Variants in ATP8B2 observed in about 807,000 individuals in gnomAD.
The protein encoded by ATP8B2 is phospholipid-transporting ATPase ID.
ATP8B2 carries 70 observed loss-of-function variants against 133.4 expected under a neutral mutation model. The observed-to-expected ratio is 0.52, with a 90% CI of 0.43 to 0.64. ATP8B2 has a LOEUF of 0.64. Among genes scored for constraint, ATP8B2 ranks in the 30% least tolerant of loss-of-function variants. The pLI is 0.00. For synonymous variants in ATP8B2, 517 were observed against 589.5 expected (o/e 0.88, Z 1.78); for missense variants, 1,101 against 1,535.7 (o/e 0.72, Z 4.73).
intron 14 of ATP8B2, 82 bp from the exon 15 acceptor site, chr1:154,342,714 G>A: frequency 1.3e-6 from 2 of 1,535,282 alleles, no homozygotes; most frequent in Non-Finnish European, 1.8e-6. Flanking sequence ...CCTACTGAGA[G>A]TTGGGAGGGC....
At chr1:154,341,122 G>A (rs1167751353) in intron 13 of ATP8B2, 60 bp downstream of exon 13, 1 of 1,575,392 alleles carries the variant, frequency 6.3e-7, no homozygotes, top group Non-Finnish European at 8.7e-7. Context: ...CAGTGGAACT[G>A]GGGCCCCACA....
At chr1:154,337,807 G>T (rs1686242607) in intron 12 of ATP8B2, 2 of 1,298,984 alleles carry the variant, frequency 1.5e-6, no homozygotes, top group African/African-American at 3.0e-5. Context: ...GTACAAAGAA[G>T]TGTGCTAGGT....
At chr1:154,329,767 T>C (rs1558267446) in intron 2 of ATP8B2, among the ~76,000 whole-genome samples, 1 of 152,132 alleles carries the variant, frequency 6.6e-6, no homozygotes, top group Non-Finnish European at 1.5e-5. Context: ...CCCACACCTT[T>C]TTCTACTTGA....
intron 12 of ATP8B2, 44 bp downstream of exon 12, chr1:154,337,588 G>A (rs761882259): frequency 1.3e-5 from 21 of 1,614,030 alleles, no homozygotes; most frequent in East Asian, 2.2e-5. Flanking sequence ...GGAGTCAGGC[G>A]GTCCCATAGA....
chr1:154,348,912 G>T lies in ATP8B2; in HGVS notation c.3367G>T (p.Gly1123Cys). ...HRCMRRVGRT[G>C]SRRSGYAFSH... ...CTGCATGCGGCGGGTTGGCCGCACT[G>T]GCTCCCGGCGCTCCGGCTATGCCTT... Residue 1123 changes from glycine (G) to cysteine (C), a missense_variant, in exon 28 of 28, where the codon GGC (glycine) becomes TGC (cysteine). By Grantham distance (159) the Gly-to-Cys change is radical. Coordinates refer to ENST00000368489, the MANE Select transcript of ATP8B2 (RefSeq NM_001370597.1). 1 of 1,613,720 alleles carries T rather than the reference G, an allele frequency of 6.2e-7. No homozygotes were observed. The highest frequency in any genetic ancestry group is 2.2e-5 in the East Asian group (1 of 44,884).
chr1:154,342,074 A>G (rs968398661), intron 13 of ATP8B2, among the ~76,000 whole-genome samples: 4 of 152,074 alleles, frequency 2.6e-5, no homozygotes, highest in African/African-American at 7.2e-5. Flanking sequence ...ACTTTTATGC[A>G]GAGTGTGGAC....
Position 154,345,248 on chromosome 1 carries a change from G to A in ATP8B2, c.2471-74G>A. Reference sequence around the variant, plus strand: ...ACTGCAGAAGAATGACGGGAAGGGGGTTGTAACTTGGTAGGCTCTAAAGTG... The same window carrying A: ...ACTGCAGAAGAATGACGGGAAGGGGATTGTAACTTGGTAGGCTCTAAAGTG... On this transcript the variant is annotated intron_variant, in intron 22 of 27. Coordinates refer to ENST00000368489, the MANE Select transcript of ATP8B2 (RefSeq NM_001370597.1). This position sits in a 1 kb window ranked among gnomAD's most constrained non-coding sequence, Gnocchi z 5.6. The A allele has an allele frequency of 6.2e-7, 1 of 1,603,000 alleles. No homozygotes were observed. Among genetic ancestry groups the A allele is most frequent in the Non-Finnish European group, 8.5e-7 (1 of 1,172,510 alleles).
chr1:154,345,702 T>C lies in ATP8B2; in HGVS notation c.2695-98T>C. 2 of 1,368,608 alleles carry C rather than the reference T, an allele frequency of 1.5e-6. No individual in the cohort carries two copies. The allele number at this position is 1,368,608 out of a possible 1,614,324, so 84.8% of individuals were successfully genotyped here. A position where few individuals can be genotyped will look rare whatever the true frequency, so the allele number is the denominator to read the frequency against. ...GGAGGAGAGAAGGAGCCTCAGAAAATTTCTTAGGGTTCTCTGTATGTGACA... is the reference window on the plus strand; with the variant it reads ...GGAGGAGAGAAGGAGCCTCAGAAAACTTCTTAGGGTTCTCTGTATGTGACA... On this transcript the variant is annotated intron_variant, in intron 23 of 27. Coordinates refer to ENST00000368489, the MANE Select transcript of ATP8B2 (RefSeq NM_001370597.1). The surrounding 1 kb of genome is among the most constrained non-coding windows in gnomAD (Gnocchi z 5.6).
chr1:154,330,510 A>G, intron 3 of ATP8B2, 56 bp downstream of exon 3: 1 of 1,578,492 alleles, frequency 6.3e-7, no homozygotes, highest in Non-Finnish European at 8.7e-7. Flanking sequence ...GGAATGGGGC[A>G]AGGACAACCT....
At position 154,331,347 on chromosome 1, in the gene ATP8B2, G is replaced by T; in HGVS notation, c.304-97G>T. 1.5e-6 allele frequency: 2 copies of T among 1,342,424 alleles called. No individual in the cohort carries two copies. The highest frequency in any genetic ancestry group is 2.1e-6 in the Non-Finnish European group (2 of 940,510). The allele number at this position is 1,342,424 out of a possible 1,614,324, so 83.2% of individuals were successfully genotyped here. On this transcript the variant is annotated intron_variant, in intron 5 of 27. Coordinates refer to ENST00000368489, the MANE Select transcript of ATP8B2 (RefSeq NM_001370597.1). The surrounding 1 kb of genome is among the most constrained non-coding windows in gnomAD (Gnocchi z 4.8). ...AGTGAACTGGTTTGTGATGGGGTGT[G>T]TATGAGGCGTTAACCAGCATGCTCT...
Position 154,348,852 on chromosome 1 carries a change from C to A in ATP8B2, c.3307C>A (p.Gln1103Lys). 1 of 1,604,552 alleles carries A rather than the reference C, an allele frequency of 6.2e-7. No individual in the cohort carries two copies. The highest frequency in any genetic ancestry group is 8.5e-7 in the Non-Finnish European group (1 of 1,173,578). ...PDLSDTVRYT[Q>K]LVRKKQKAQH... Reference sequence around the variant, plus strand: ...TGCCCCTCTGCAGGTCCGCTACACACAGCTCGTGAGGAAGAAGCAGAAGGC... The same window carrying A: ...TGCCCCTCTGCAGGTCCGCTACACAAAGCTCGTGAGGAAGAAGCAGAAGGC... Residue 1103 changes from glutamine (Q) to lysine (K), a missense_variant, in exon 28 of 28, where the codon CAG becomes AAG. Gln to Lys is a moderately conservative substitution (Grantham distance 53). Coordinates refer to ENST00000368489, the MANE Select transcript of ATP8B2 (RefSeq NM_001370597.1).
Position 154,331,943 on chromosome 1 carries a change from T to C in ATP8B2, c.439-11T>C, listed in dbSNP as rs569001057. 10 of 1,613,064 alleles carry C rather than the reference T, an allele frequency of 6.2e-6. No individual in the cohort carries two copies. In the African/African-American group the frequency reaches 1.3e-4, roughly 21 times the overall value. ...TGCATATTTGGACTTCTCATTAGTT[T>C]TTCTCTCTAGGCGGATCTCCTCCTC... On this transcript the variant is annotated splice_polypyrimidine_tract_variant and intron_variant, in intron 7 of 27. Coordinates refer to ENST00000368489, the MANE Select transcript of ATP8B2 (RefSeq NM_001370597.1). The surrounding 1 kb of genome is among the most constrained non-coding windows in gnomAD (Gnocchi z 4.8).
Position 154,345,613 on chromosome 1 carries a change from T to C in ATP8B2, c.2694+68T>C. 2 of 1,438,536 alleles carry C rather than the reference T, an allele frequency of 1.4e-6. No individual in the cohort carries two copies. Among genetic ancestry groups the C allele is most frequent in the Non-Finnish European group, 1.9e-6 (2 of 1,037,374 alleles). The allele number at this position is 1,438,536 out of a possible 1,614,324, so 89.1% of individuals were successfully genotyped here. A position where few individuals can be genotyped will look rare whatever the true frequency, so the allele number is the denominator to read the frequency against. ...CTGAGGGCAGAGGTTCTGTCTTGTTTATCACTCAGTCCCCCAGGGCCTAGC... is the reference window on the plus strand; with the variant it reads ...CTGAGGGCAGAGGTTCTGTCTTGTTCATCACTCAGTCCCCCAGGGCCTAGC... On this transcript the variant is annotated intron_variant, in intron 23 of 27. Transcript: ENST00000368489. This position sits in a 1 kb window ranked among gnomAD's most constrained non-coding sequence, Gnocchi z 5.6.
Position 154,349,151 on chromosome 1 carries a change from A to G in ATP8B2, c.*33A>G. ...GGATGGATGCCCTGTGCCAGTGACC[A>G]GAGCACCCAGGGCTGGCCAGTCACT... On this transcript the variant is annotated 3_prime_UTR_variant, in exon 28 of 28. Coordinates refer to ENST00000368489, the MANE Select transcript of ATP8B2 (RefSeq NM_001370597.1). 9 of 1,602,016 alleles carry G rather than the reference A, an allele frequency of 5.6e-6. No individual in the cohort carries two copies. Among genetic ancestry groups the G allele is most frequent in the Non-Finnish European group, 7.7e-6 (9 of 1,172,190 alleles).
rs1685877115 is a variant in ATP8B2, at chr1:154,328,705, G to A, written c.31+533G>A. The A allele has an allele frequency of 1.2e-6, 1 of 835,260 alleles. No individual in the cohort carries two copies. Among genetic ancestry groups the A allele is most frequent in the South Asian group, 5.3e-5 (1 of 18,746 alleles). The allele number at this position is 835,260 out of a possible 1,614,324, so 51.7% of individuals were successfully genotyped here. A position where few individuals can be genotyped will look rare whatever the true frequency, so the allele number is the denominator to read the frequency against. The stretch of plus-strand genomic sequence containing the variant: ...TCCTGCAGTCGGGGAGCGGGCGGGG[G>A]CGGAACCCTGGGCGTGCTCGGCGTG... On this transcript the variant is annotated intron_variant, in intron 2 of 27. Transcript: ENST00000368489. This position sits in a 1 kb window ranked among gnomAD's most constrained non-coding sequence, Gnocchi z 4.6.
Position 154,342,516 on chromosome 1 carries a change from T to C in ATP8B2, c.1280T>C (p.Leu427Ser), listed in dbSNP as rs1686421049. Residue 427 changes from leucine to serine, a missense_variant, in exon 14 of 28, where the codon TTG (leucine) becomes TCG (serine). Coordinates refer to ENST00000368489, the MANE Select transcript of ATP8B2 (RefSeq NM_001370597.1). ...GACGTCCTGGGACACAAAGCTGAATTGGGAGAGGTAAGATTCAGTCTCCCT... is the reference window on the plus strand; with the variant it reads ...GACGTCCTGGGACACAAAGCTGAATCGGGAGAGGTAAGATTCAGTCTCCCT... ...VFDVLGHKAE[L>S]GERPEPVDFS... 1 of 1,613,618 alleles carries C rather than the reference T, an allele frequency of 6.2e-7. No individual in the cohort carries two copies. Among genetic ancestry groups the C allele is most frequent in the Non-Finnish European group, 8.5e-7 (1 of 1,179,722 alleles).
In ATP8B2 at chr1:154,343,426, C is replaced by T; in HGVS notation, c.1643-27C>T. On this transcript the variant is annotated intron_variant, in intron 16 of 27. Transcript: ENST00000368489. This position sits in a 1 kb window ranked among gnomAD's most constrained non-coding sequence, Gnocchi z 5.8. Reference sequence around the variant, plus strand: ...TCTTTGCCTGTCTGAATTTTTCTGGCACTTTCTTCACCTGCCCCATTCATA... The same window carrying T: ...TCTTTGCCTGTCTGAATTTTTCTGGTACTTTCTTCACCTGCCCCATTCATA... The T allele has an allele frequency of 1.9e-6, 3 of 1,611,548 alleles. No homozygotes were observed. The highest frequency in any genetic ancestry group is 1.3e-5 in the African/African-American group (1 of 74,940).
Position 154,346,841 on chromosome 1 carries a change from C to A in ATP8B2, c.3163+83C>A, listed in dbSNP as rs1308687664. The A allele has an allele frequency of 2.1e-6, 3 of 1,428,808 alleles. No individual in the cohort carries two copies. Among genetic ancestry groups the A allele is most frequent in the South Asian group, 2.6e-5 (2 of 78,112 alleles). 88.5% of individuals were successfully genotyped at this position (1,428,808 alleles called of 1,614,324 possible). Reference sequence around the variant, plus strand: ...AGGACCATCAGCTAATCTGCACATTCAACATTTCTTATGTGCCAAGTATTC... The same window carrying A: ...AGGACCATCAGCTAATCTGCACATTAAACATTTCTTATGTGCCAAGTATTC... On this transcript the variant is annotated intron_variant, in intron 26 of 27. Transcript: ENST00000368489. This position sits in a 1 kb window ranked among gnomAD's most constrained non-coding sequence, Gnocchi z 4.5.
rs1685867770 is a variant in ATP8B2, at chr1:154,328,516, G to A, written c.31+344G>A. 6.6e-6 allele frequency among the ~76,000 whole-genome samples: 1 copy of A among 152,114 alleles called. No individual in the cohort carries two copies. The highest frequency in any genetic ancestry group is 2.1e-4 in the South Asian group (1 of 4,832). On this transcript the variant is annotated intron_variant, in intron 2 of 27. Transcript: ENST00000368489. The surrounding 1 kb of genome is among the most constrained non-coding windows in gnomAD (Gnocchi z 4.6). ...TGCTCCCCTCGTTTTTCCATCTACC[G>A]GTTCTCCTGGTTTTTCCGCGGGCGG...
Sources: allele counts gnomAD v4.1 joint callset (sites outside exome capture counted in the v4.1 genomes callset), GRCh38; gene constraint gnomAD v4.1.1; non-coding constraint Gnocchi (gnomAD v3.1); transcripts MANE v1.5; gene names NCBI Gene and HGNC (gene_info 2026-07-23, HGNC 2026-07-21).